The following SLC20A2 variants were observed in gnomAD, a reference collection of about 807,000 sequenced individuals.
The protein encoded by SLC20A2 is sodium-dependent phosphate transporter 2.
Under a neutral mutation model 61.0 loss-of-function variants are expected in SLC20A2, and 30 were observed. The ratio of observed to expected loss-of-function variants is 0.49; its 90% confidence interval spans 0.37 to 0.67. The LOEUF (loss-of-function observed/expected upper bound fraction) is 0.67. SLC20A2 is among the 30% of genes least tolerant of loss of function. The pLI is 0.00. For missense variants in SLC20A2, 626 were observed against 866.4 expected, an observed-to-expected ratio of 0.72 and a Z score of 3.48; for synonymous variants, 351 against 353.3, an observed-to-expected ratio of 0.99 and a Z score of 0.07.
chr8:42,510,965 TTAAACCACCTGGCCA>T (rs1303853252), intron 1 of SLC20A2, among the ~76,000 whole-genome samples: 1 of 152,160 alleles, frequency 6.6e-6, no homozygotes, highest in Non-Finnish European at 1.5e-5. Context: ...GAATTCCTAG[TTAAACCACCTGGCCA>T]TGGTAGATAG....
At chr8:42,455,241 A>ATATATATAT (rs1554555112) in intron 5 of SLC20A2, among the ~76,000 whole-genome samples, 7 of 102,598 alleles carry the variant, frequency 6.8e-5, no homozygotes, top group African/African-American at 3.5e-4. Context: ...AAAAAAAAAA[A>ATATATATAT]ATATATATAT....
At chr8:42,478,212 CTTTTTT>C (rs35343530) in intron 1 of SLC20A2, among the ~76,000 whole-genome samples, 14 of 127,534 alleles carry the variant, frequency 1.1e-4, no homozygotes, top group South Asian at 1.0e-3. Context: ...TTTTCCTTTT[CTTTTTT>C]TTTTTTTTTT....
chr8:42,462,144 G>A (rs1196248577), intron 4 of SLC20A2, among the ~76,000 whole-genome samples: 1 of 152,098 alleles, frequency 6.6e-6, no homozygotes, highest in African/African-American at 2.4e-5. Context: ...GGCTTGCCAG[G>A]TGAGCATGGA....
intron 10 of SLC20A2, among the ~76,000 whole-genome samples, chr8:42,422,829 T>C (rs1211020716): frequency 6.6e-6 from 1 of 152,198 alleles, no homozygotes; most frequent in East Asian, 1.9e-4. Context: ...TATTTAATAA[T>C]GGAAACAGTT....
chr8:42,438,265 CAT>C (rs1804502844), intron 7 of SLC20A2, among the ~76,000 whole-genome samples: 1 of 152,072 alleles, frequency 6.6e-6, no homozygotes, highest in Non-Finnish European at 1.5e-5. Context: ...AAACTTCATA[CAT>C]GAGACAAAAC....
At chr8:42,464,434 T>TG (rs970243872) in intron 3 of SLC20A2, among the ~76,000 whole-genome samples, 4 of 151,872 alleles carry the variant, frequency 2.6e-5, no homozygotes, top group African/African-American at 9.7e-5. Flanking sequence ...GATGATCTGT[T>TG]GAAGGCAGGG....
At position 42,439,445 on chromosome 8, in the gene SLC20A2, C is replaced by T. The variant is rs1289394159; in HGVS notation, c.934+5G>A. On this transcript the variant is annotated splice_donor_5th_base_variant and intron_variant, in intron 7 of 10. Transcript: ENST00000520262. ...CAGAACCCAAGCTCTCCAGGCACAT[C>T]TTACCGTATGCAGCCCGAGGGTGGC... 9 of 1,612,800 alleles carry T rather than the reference C, an allele frequency of 5.6e-6. No individual in the cohort carries two copies. Among genetic ancestry groups the T allele is most frequent in the South Asian group, 1.1e-5 (1 of 91,020 alleles).
At chr8:42,465,127 G>A (rs935029309) in intron 3 of SLC20A2, among the ~76,000 whole-genome samples, 8 of 151,636 alleles carry the variant, frequency 5.3e-5, no homozygotes, top group South Asian at 2.1e-4. Flanking sequence ...ACTCGATCCC[G>A]GCTCACTGCA....
intron 8 of SLC20A2, among the ~76,000 whole-genome samples, chr8:42,431,076 T>G (rs1293087861): frequency 6.6e-6 from 1 of 152,214 alleles, no homozygotes; most frequent in Non-Finnish European, 1.5e-5. Context: ...AAGAGTTGCA[T>G]GTCTCTCAGT....
In SLC20A2 at chr8:42,417,906, A is replaced by G; in HGVS notation, c.1856T>C (p.Phe619Ser). 6.2e-7 allele frequency: 1 copy of G among 1,614,008 alleles called. No homozygotes were observed. The highest frequency in any genetic ancestry group is 8.5e-7 in the Non-Finnish European group (1 of 1,179,930). ...RSRKAVDWRL[F>S]RNIFVAWFVT... Reference sequence around the variant, plus strand: ...GAACCAGGCCACGAAGATGTTCCGAAAGAGGCGCCAGTCCACAGCCTTGCG... The same window carrying G: ...GAACCAGGCCACGAAGATGTTCCGAGAGAGGCGCCAGTCCACAGCCTTGCG... The change falls in exon 11 of 11, where the codon TTT (phenylalanine) becomes TCT (serine). Residue 619 changes from phenylalanine (F) to serine (S), a missense_variant. Physicochemically the swap from Phe to Ser is radical, Grantham distance 155. Transcript: ENST00000520262.
chr8:42,421,443 A>G (rs959132981), intron 10 of SLC20A2, among the ~76,000 whole-genome samples: 34 of 152,170 alleles, frequency 2.2e-4, no homozygotes, highest in Non-Finnish European at 7.3e-5. Flanking sequence ...GCTGATGAAC[A>G]AGTGCTGGAT....
upstream of SLC20A2, chr8:42,502,374 TAACACC>T (rs1482350160): frequency 1.3e-5 from 2 of 152,264 alleles, no homozygotes; most frequent in Admixed American, 1.3e-4. Flanking sequence ...TCACTCTACT[TAACACC>T]CAGATGCCAG....
intron 5 of SLC20A2, among the ~76,000 whole-genome samples, chr8:42,458,104 A>T (rs1043132040): frequency 3.9e-5 from 6 of 152,188 alleles, no homozygotes; most frequent in Non-Finnish European, 8.8e-5. Flanking sequence ...CTTCATCCAT[A>T]ACAGACATTA....
At chr8:42,473,596 C>A (rs1807824356) in intron 1 of SLC20A2, among the ~76,000 whole-genome samples, 1 of 152,196 alleles carries the variant, frequency 6.6e-6, no homozygotes, top group African/African-American at 2.4e-5. Flanking sequence ...CTCCCCCATG[C>A]CACTGTTCCT....
In SLC20A2 at chr8:42,474,833, AGT is replaced by A. The variant is rs578107034; in HGVS notation, c.-264-2181_-264-2180del. 3.0e-3 allele frequency among the ~76,000 whole-genome samples: 445 copies of A among 146,940 alleles called. 3 individuals are homozygous for A. Among genetic ancestry groups the A allele is most frequent in the African/African-American group, 0.011 (426 of 39,910 alleles). The stretch of plus-strand genomic sequence containing the variant: ...ATGCAGGCAGGAGACGGTGCCACAC[AGT>A]GTCGTGAGAGCACAGCCGGCGGGAC... On this transcript the variant is annotated intron_variant, in intron 1 of 10. Coordinates refer to ENST00000520262, the MANE Select transcript of SLC20A2 (RefSeq NM_001257180.2).
chr8:42,473,764 A>C (rs1807839514), intron 1 of SLC20A2, among the ~76,000 whole-genome samples: 1 of 152,240 alleles, frequency 6.6e-6, no homozygotes, highest in Non-Finnish European at 1.5e-5. Context: ...AGTTGAACTG[A>C]ATAAATACCA....
At chr8:42,476,794 C>G (rs1204619255) in intron 1 of SLC20A2, among the ~76,000 whole-genome samples, 1 of 152,172 alleles carries the variant, frequency 6.6e-6, no homozygotes, top group African/African-American at 2.4e-5. Context: ...CTTCTTTCCT[C>G]TCTGTGGTTA....
At chr8:42,426,109 G>C (rs1398348260) in intron 10 of SLC20A2, among the ~76,000 whole-genome samples, 11 of 152,114 alleles carry the variant, frequency 7.2e-5, no homozygotes, top group Non-Finnish European at 1.2e-4. Flanking sequence ...ATTCACTAAG[G>C]TCCTGTACAA....
chr8:42,426,077 GATA>G (rs1421932641), intron 10 of SLC20A2, among the ~76,000 whole-genome samples: 3 of 152,042 alleles, frequency 2.0e-5, no homozygotes, highest in African/African-American at 7.2e-5. Flanking sequence ...GGTATTTTAG[GATA>G]ATGATAACAT....
Sources: allele counts gnomAD v4.1 joint callset (sites outside exome capture counted in the v4.1 genomes callset), GRCh38; gene constraint gnomAD v4.1.1; transcripts MANE v1.5; gene names NCBI Gene and HGNC (gene_info 2026-07-23, HGNC 2026-07-21).